UNC5D: variants seen among roughly 807,000 people sequenced by gnomAD.
The protein encoded by UNC5D is unc-5 netrin receptor D, also known as netrin receptor UNC5D.
In UNC5D, 39 loss-of-function variants were observed where a neutral mutation model predicts 105.4. That is an observed-to-expected ratio of 0.37 (90% CI 0.29 to 0.48). UNC5D has a LOEUF of 0.48. Among genes scored for constraint, UNC5D ranks in the 20% least tolerant of loss-of-function variants. The pLI is 0.98. For missense variants in UNC5D, 991 were observed against 1,202.4 expected (o/e 0.82, Z 2.60); for synonymous variants, 452 against 450.4 (o/e 1.00, Z -0.04).
intron 1 of UNC5D, among the ~76,000 whole-genome samples, chr8:35,379,622 C>G (rs1331833115): frequency 6.6e-6 from 1 of 152,152 alleles, no homozygotes; most frequent in South Asian, 2.1e-4. Flanking sequence ...TCTCTGTGTT[C>G]CTATGGACCT....
chr8:35,401,047 A>G (rs1167607408), intron 1 of UNC5D, among the ~76,000 whole-genome samples: 2 of 152,316 alleles, frequency 1.3e-5, no homozygotes, highest in East Asian at 1.9e-4. Context: ...AAACATCAAC[A>G]TTATATAATT....
intron 1 of UNC5D, among the ~76,000 whole-genome samples, chr8:35,455,278 A>G (rs573675818): frequency 6.8e-6 from 1 of 147,632 alleles, no homozygotes; most frequent in East Asian, 2.0e-4. Context: ...CTAGGAATGG[A>G]TACTTTTTTT....
chr8:35,295,725 G>A (rs1464330657), intron 1 of UNC5D, among the ~76,000 whole-genome samples: 1 of 152,144 alleles, frequency 6.6e-6, no homozygotes, highest in Non-Finnish European at 1.5e-5. Flanking sequence ...ACATTTTCAA[G>A]TACATAATAT....
Position 35,606,344 on chromosome 8 carries a change from C to A in UNC5D, c.570+10687C>A, listed in dbSNP as rs535185761. On this transcript the variant is annotated intron_variant, in intron 4 of 16. Transcript: ENST00000404895. ...AATGTGGTACATCCCGTACAATGACCGAACCAATATTGATACATTCTTATT... is the reference window on the plus strand; with the variant it reads ...AATGTGGTACATCCCGTACAATGACAGAACCAATATTGATACATTCTTATT... Among the ~76,000 whole-genome samples, 6 of 152,190 alleles carry A rather than the reference C, an allele frequency of 3.9e-5. No homozygotes were observed. The East Asian group carries it at 1.2e-3, about 29-fold the overall frequency.
At chr8:35,665,134 C>T (rs928424085) in intron 4 of UNC5D, among the ~76,000 whole-genome samples, 2 of 152,154 alleles carry the variant, frequency 1.3e-5, no homozygotes, top group Admixed American at 1.3e-4. Context: ...TGTGCCCAGC[C>T]TTTCCTCTCA....
chr8:35,684,362 G>C (rs1825869053), intron 5 of UNC5D, among the ~76,000 whole-genome samples: 1 of 152,108 alleles, frequency 6.6e-6, no homozygotes, highest in African/African-American at 2.4e-5. Context: ...TTCCTTGCAA[G>C]GCAAATTCTG....
chr8:35,375,844 G>A (rs1178953928), intron 1 of UNC5D, among the ~76,000 whole-genome samples: 1 of 152,056 alleles, frequency 6.6e-6, no homozygotes, highest in East Asian at 1.9e-4. Context: ...TTAGAGCCCA[G>A]GGCAGTGCTT....
intron 1 of UNC5D, among the ~76,000 whole-genome samples, chr8:35,298,985 G>A (rs1030068461): frequency 6.6e-6 from 1 of 152,208 alleles, no homozygotes; most frequent in South Asian, 2.1e-4. Context: ...CAGTACTGGA[G>A]CTTCAAAGAC....
intron 1 of UNC5D, among the ~76,000 whole-genome samples, chr8:35,355,052 G>C (rs1183763784): frequency 6.6e-6 from 1 of 152,152 alleles, no homozygotes; most frequent in Non-Finnish European, 1.5e-5. Context: ...TTTAGGACTT[G>C]ACTGGCGAAT....
At chr8:35,364,207 C>A (rs1801992575) in intron 1 of UNC5D, among the ~76,000 whole-genome samples, 1 of 151,936 alleles carries the variant, frequency 6.6e-6, no homozygotes, top group Non-Finnish European at 1.5e-5. Context: ...TTTCATTATT[C>A]TTTCTATATT....
chr8:35,718,739 C>T (rs972819432), intron 8 of UNC5D, among the ~76,000 whole-genome samples: 91 of 152,110 alleles, frequency 6.0e-4, no homozygotes, highest in African/African-American at 2.1e-3. Context: ...GACAGGATCA[C>T]CTTCATGGGA....
chr8:35,783,146 GAA>G (rs1802582172), intron 16 of UNC5D, among the ~76,000 whole-genome samples: 1 of 144,616 alleles, frequency 6.9e-6, no homozygotes, highest in African/African-American at 2.6e-5. Context: ...CTATCTTGGA[GAA>G]AGAAAAAAAA....
intron 4 of UNC5D, among the ~76,000 whole-genome samples, chr8:35,606,660 A>G (rs990179405): frequency 2.6e-5 from 4 of 151,778 alleles, no homozygotes; most frequent in African/African-American, 4.8e-5. Context: ...CCCACTTACC[A>G]CCCCCACTGC....
At chr8:35,601,954 T>C (rs190524460) in intron 4 of UNC5D, among the ~76,000 whole-genome samples, 1,880 of 152,320 alleles carry the variant, frequency 0.012, 22 homozygotes, top group Non-Finnish European at 0.018. Flanking sequence ...TAGCTCTTAT[T>C]ATTTTGAGAT....
chr8:35,294,087 C>A (rs1364478742), intron 1 of UNC5D, among the ~76,000 whole-genome samples: 2 of 152,164 alleles, frequency 1.3e-5, no homozygotes, highest in Non-Finnish European at 2.9e-5. Context: ...GTTGTCCAGG[C>A]CTTCTTGTTA....
chr8:35,564,409 T>C (rs557710451), intron 2 of UNC5D, among the ~76,000 whole-genome samples: 1 of 152,306 alleles, frequency 6.6e-6, no homozygotes, highest in East Asian at 1.9e-4. Flanking sequence ...CTTTACCTCC[T>C]CCTACCTGTA....
chr8:35,482,944 AG>A (rs1810579744), intron 1 of UNC5D, among the ~76,000 whole-genome samples: 1 of 151,710 alleles, frequency 6.6e-6, no homozygotes, highest in African/African-American at 2.4e-5. Flanking sequence ...CTGGGATTAC[AG>A]GCGCCTGCCA....
intron 1 of UNC5D, among the ~76,000 whole-genome samples, chr8:35,364,958 A>G (rs7005513): frequency 0.026 from 3,996 of 152,252 alleles, 178 homozygotes; most frequent in African/African-American, 0.092. Context: ...TCAATTTACT[A>G]TTTCCAAGGT....
At chr8:35,562,088 T>C (rs928767249) in intron 2 of UNC5D, among the ~76,000 whole-genome samples, 3 of 152,176 alleles carry the variant, frequency 2.0e-5, no homozygotes, top group Non-Finnish European at 4.4e-5. Flanking sequence ...TGAGATCCAC[T>C]TTTTCAGTTC....
Sources: gnomAD v4.1 joint callset for allele counts (sites outside exome capture counted in the v4.1 genomes callset) on GRCh38, gnomAD v4.1.1 for gene constraint, MANE v1.5 for transcripts, NCBI Gene and HGNC (gene_info 2026-07-23, HGNC 2026-07-21) for gene names.